SAAL1: variants seen among roughly 807,000 people sequenced by gnomAD.
SAAL1 encodes protein SAAL1.
In SAAL1, 42 loss-of-function variants were observed where a neutral mutation model predicts 59.8. The ratio of observed to expected loss-of-function variants is 0.70; its 90% CI spans 0.55 to 0.91. The LOEUF is 0.91. SAAL1 is among the 40% of genes least tolerant of loss of function. The pLI, the probability that SAAL1 is intolerant of heterozygous loss-of-function variation, is 0.00. For missense variants in SAAL1, 542 were observed against 561.1 expected (o/e 0.97, Z 0.34); for synonymous variants, 191 against 194.3 (o/e 0.98, Z 0.14).
chr11:18,105,696 T>C (rs928964617), intron 1 of SAAL1, among the ~76,000 whole-genome samples: 4 of 152,174 alleles, frequency 2.6e-5, no homozygotes, highest in Admixed American at 2.6e-4. Context: ...ACCATTATAC[T>C]TCCCTTTGTG....
At chr11:18,093,325 T>C (rs1564871602) in intron 3 of SAAL1, among the ~76,000 whole-genome samples, 1 of 152,096 alleles carries the variant, frequency 6.6e-6, no homozygotes, top group Non-Finnish European at 1.5e-5. Flanking sequence ...CAAACAAAAA[T>C]GTATGCTGAG....
In SAAL1 at chr11:18,080,393, C is replaced by T; in HGVS notation, c.*6G>A. On this transcript the variant is annotated 3_prime_UTR_variant, in exon 12 of 12. Coordinates refer to ENST00000524803, the MANE Select transcript of SAAL1 (RefSeq NM_138421.3). ...TTCTTGTACAGAAGTAATTCCAATT[C>T]AGGTTTTAAGTCTGAACCTTCAAAC... 6.4e-7 allele frequency: 1 copy of T among 1,552,610 alleles called. No individual in the cohort carries two copies. Among genetic ancestry groups the T allele is most frequent in the Non-Finnish European group, 8.7e-7 (1 of 1,145,034 alleles).
chr11:18,094,543 G>A (rs2134061588), intron 3 of SAAL1, among the ~76,000 whole-genome samples: 1 of 152,224 alleles, frequency 6.6e-6, no homozygotes, highest in Non-Finnish European at 1.5e-5. Flanking sequence ...TGCTCCTACA[G>A]GCAGAGTTGC....
chr11:18,094,121 C>A (rs1848549614), intron 3 of SAAL1, among the ~76,000 whole-genome samples: 1 of 152,024 alleles, frequency 6.6e-6, no homozygotes, highest in South Asian at 2.1e-4. Context: ...AGGGTAGAGC[C>A]TGGAAAGCTA....
intron 7 of SAAL1, 75 bp downstream of exon 7, chr11:18,089,252 TAAG>T (rs1564870624): frequency 3.1e-6 from 4 of 1,271,170 alleles, no homozygotes; most frequent in Non-Finnish European, 4.3e-6. Context: ...GTAAGGAATA[TAAG>T]AAGACTTTTA....
intron 1 of SAAL1, among the ~76,000 whole-genome samples, chr11:18,105,653 G>A (rs772571838): frequency 6.6e-6 from 1 of 152,186 alleles, no homozygotes; most frequent in Non-Finnish European, 1.5e-5. Flanking sequence ...ACTTGGGAAA[G>A]CAAAATAGAA....
chr11:18,081,524 A>C, intron 10 of SAAL1, 21 bp from the exon 11 acceptor site: 1 of 1,606,884 alleles, frequency 6.2e-7, no homozygotes. Context: ...AACAAGATTT[A>C]ATGTCAAAAA....
At chr11:18,082,473 T>A (rs530549902) in intron 10 of SAAL1, among the ~76,000 whole-genome samples, 1 of 152,214 alleles carries the variant, frequency 6.6e-6, no homozygotes, top group South Asian at 2.1e-4. Context: ...AATATGGCCA[T>A]CATGACTTAG....
intron 10 of SAAL1, 88 bp from the exon 11 acceptor site, chr11:18,081,591 C>T (rs1358856812): frequency 1.0e-6 from 1 of 961,038 alleles, no homozygotes; most frequent in Admixed American, 1.8e-5. Flanking sequence ...TATTCAATTC[C>T]CTCCTGACTT....
intron 2 of SAAL1, among the ~76,000 whole-genome samples, chr11:18,102,107 G>A (rs560184627): frequency 9.9e-5 from 15 of 152,098 alleles, no homozygotes; most frequent in East Asian, 1.9e-4. Context: ...GTACACATCC[G>A]TCAAAGTTTA....
At chr11:18,089,940 T>C (rs974577814) in intron 6 of SAAL1, among the ~76,000 whole-genome samples, 2 of 152,022 alleles carry the variant, frequency 1.3e-5, no homozygotes, top group South Asian at 2.1e-4. Context: ...GTCCCAGCTA[T>C]TGGGGAGATT....
At chr11:18,081,554 T>C (rs779177954) in intron 10 of SAAL1, 51 bp from the exon 11 acceptor site, 3 of 1,354,274 alleles carry the variant, frequency 2.2e-6, no homozygotes, top group Admixed American at 3.4e-5. Context: ...TTTCAAGCTT[T>C]AACTAGTGAA....
chr11:18,093,952 C>T (rs1564871724), intron 3 of SAAL1: 1 of 152,104 alleles, frequency 6.6e-6, no homozygotes, highest in Non-Finnish European at 1.5e-5. Context: ...ATATTGGTCC[C>T]GTTGACAGGA....
At chr11:18,102,959 T>C (rs558471256) in intron 2 of SAAL1, among the ~76,000 whole-genome samples, 11 of 152,192 alleles carry the variant, frequency 7.2e-5, no homozygotes, top group South Asian at 2.1e-4. Context: ...GGTAGGTAAG[T>C]ATCAGAACTT....
rs141909383 is a variant in SAAL1, at chr11:18,091,226, T to C, written c.414-733A>G. Among the ~76,000 whole-genome samples, 63 of 148,182 alleles carry C rather than the reference T, an allele frequency of 4.3e-4. No homozygotes were observed. The East Asian group carries it at 0.011, about 27-fold the overall frequency. Reference sequence around the variant, plus strand: ...ATGAGCTGGTCACAGCACATGCATATGTTCCAACGTGACCAGATAATGCCC... The same window carrying C: ...ATGAGCTGGTCACAGCACATGCATACGTTCCAACGTGACCAGATAATGCCC... On this transcript the variant is annotated intron_variant, in intron 4 of 11. Coordinates refer to ENST00000524803, the MANE Select transcript of SAAL1 (RefSeq NM_138421.3).
At chr11:18,090,707 T>C (rs1848515460) in intron 4 of SAAL1, 2 of 427,142 alleles carry the variant, frequency 4.7e-6, no homozygotes, top group Admixed American at 4.2e-5. Context: ...TCACCATGTG[T>C]CCATTCCAAA....
chr11:18,090,395 A>T, intron 5 of SAAL1, 39 bp downstream of exon 5: 6 of 1,588,086 alleles, frequency 3.8e-6, no homozygotes, highest in Non-Finnish European at 5.1e-6. Flanking sequence ...ATCTACTCTT[A>T]TGAGTAACCT....
intron 10 of SAAL1, 49 bp downstream of exon 10, chr11:18,083,486 C>A: frequency 9.0e-7 from 1 of 1,110,934 alleles, no homozygotes. Context: ...AAGCGTTAAG[C>A]AACCCACACT....
intron 2 of SAAL1, among the ~76,000 whole-genome samples, chr11:18,102,672 T>A (rs1307911059): frequency 2.0e-5 from 3 of 152,270 alleles, no homozygotes; most frequent in Non-Finnish European, 4.4e-5. Context: ...CAAGAAAGAT[T>A]ACATAGGTCA....
Sources: gnomAD v4.1 joint callset for allele counts (sites outside exome capture counted in the v4.1 genomes callset) on GRCh38, gnomAD v4.1.1 for gene constraint, MANE v1.5 for transcripts, NCBI Gene and HGNC (gene_info 2026-07-23, HGNC 2026-07-21) for gene names.